CNTNAP5: variants seen among roughly 807,000 people sequenced by gnomAD.
CNTNAP5 encodes the protein contactin-associated protein-like 5.
CNTNAP5 carries 72 observed loss-of-function variants against 150.2 expected under a neutral mutation model. The observed-to-expected ratio is 0.48, with a 90% CI of 0.40 to 0.58. The LOEUF is 0.58. Among genes scored for constraint, CNTNAP5 ranks in the 20% least tolerant of loss-of-function variants. The pLI is 0.00. For missense variants in CNTNAP5, 1,636 were observed against 1,626.2 expected (o/e 1.01, Z -0.10); for synonymous variants, 672 against 619.8 (o/e 1.08, Z -1.25).
chr2:124,904,746 A>T (rs1383569985), intron 22 of CNTNAP5, among the ~76,000 whole-genome samples: 3 of 152,066 alleles, frequency 2.0e-5, no homozygotes, highest in Non-Finnish European at 4.4e-5. Flanking sequence ...TAAAACCTTA[A>T]ATATAAGACC....
intron 3 of CNTNAP5, among the ~76,000 whole-genome samples, chr2:124,393,964 T>C (rs759262937): frequency 6.6e-6 from 1 of 152,222 alleles, no homozygotes; most frequent in Non-Finnish European, 1.5e-5. Flanking sequence ...TATTTTAAAA[T>C]GTTTTGGGTA....
At chr2:124,737,525 G>A (rs753238545) in intron 13 of CNTNAP5, among the ~76,000 whole-genome samples, 9 of 152,144 alleles carry the variant, frequency 5.9e-5, no homozygotes, top group Non-Finnish European at 1.2e-4. Flanking sequence ...TGTGGAATAA[G>A]ACGTAAGGCT....
At chr2:124,379,094 C>G (rs938611211) in intron 3 of CNTNAP5, among the ~76,000 whole-genome samples, 1 of 151,604 alleles carries the variant, frequency 6.6e-6, no homozygotes, top group Non-Finnish European at 1.5e-5. Context: ...GCATAACCTC[C>G]TTTGTTATTC....
At chr2:124,117,378 G>A (rs74824239) in intron 1 of CNTNAP5, among the ~76,000 whole-genome samples, 7,407 of 152,156 alleles carry the variant, frequency 0.049, 254 homozygotes, top group South Asian at 0.15. Context: ...TGGAGGCAGA[G>A]ACTTTATTAT....
intron 11 of CNTNAP5, among the ~76,000 whole-genome samples, chr2:124,591,813 CAAAAT>C (rs908857140): frequency 6.6e-6 from 1 of 152,130 alleles, no homozygotes; most frequent in African/African-American, 2.4e-5. Flanking sequence ...GTAAAACCAA[CAAAAT>C]AAGTCTTCAT....
intron 19 of CNTNAP5, among the ~76,000 whole-genome samples, chr2:124,825,991 G>A (rs1682584680): frequency 6.6e-6 from 1 of 152,076 alleles, no homozygotes; most frequent in African/African-American, 2.4e-5. Context: ...GTAAATTATA[G>A]AGACTGAAAT....
At chr2:124,383,170 C>T (rs935449311) in intron 3 of CNTNAP5, among the ~76,000 whole-genome samples, 7 of 152,088 alleles carry the variant, frequency 4.6e-5, no homozygotes, top group Non-Finnish European at 8.8e-5. Context: ...ACACATTTGG[C>T]GAACATTATT....
At chr2:124,888,019 G>T (rs1308989854) in intron 21 of CNTNAP5, among the ~76,000 whole-genome samples, 1 of 151,922 alleles carries the variant, frequency 6.6e-6, no homozygotes, top group Non-Finnish European at 1.5e-5. Flanking sequence ...TGTCACTTGG[G>T]TATATTGCAT....
chr2:124,188,716 C>CAAAAAAAAAAAAA (rs70996047), intron 1 of CNTNAP5, among the ~76,000 whole-genome samples: 2 of 73,076 alleles, frequency 2.7e-5, no homozygotes, highest in Non-Finnish European at 4.7e-5. Flanking sequence ...GACTCTGTCT[C>CAAAAAAAAAAAAA]AAAAAAAAAA....
intron 3 of CNTNAP5, among the ~76,000 whole-genome samples, chr2:124,284,349 T>C (rs372670336): frequency 2.6e-5 from 4 of 152,302 alleles, no homozygotes; most frequent in African/African-American, 9.6e-5. Flanking sequence ...ACTTTTTAGA[T>C]GCTCAATCAT....
chr2:124,109,437 G>T (rs1388854557), intron 1 of CNTNAP5, among the ~76,000 whole-genome samples: 1 of 152,198 alleles, frequency 6.6e-6, no homozygotes, highest in Non-Finnish European at 1.5e-5. Flanking sequence ...GCTGTCCCTT[G>T]CCAGGCTGGA....
intron 3 of CNTNAP5, among the ~76,000 whole-genome samples, chr2:124,405,200 G>A (rs752300232): frequency 8.5e-5 from 13 of 152,090 alleles, no homozygotes; most frequent in Admixed American, 2.0e-4. Flanking sequence ...ATGAGGCGGC[G>A]AGACTACATT....
chr2:124,869,133 T>C (rs10172182), intron 20 of CNTNAP5, among the ~76,000 whole-genome samples: 1 of 152,092 alleles, frequency 6.6e-6, no homozygotes, highest in Non-Finnish European at 1.5e-5. Context: ...TGCAGCTAAC[T>C]GTTCAGCTGC....
chr2:124,919,067 A>G lies in CNTNAP5; in HGVS notation c.*4779A>G, dbSNP rs72965821. Among the ~76,000 whole-genome samples the G allele has an allele frequency of 6.6e-6, 1 of 151,978 alleles. No homozygotes were observed. The highest frequency in any genetic ancestry group is 6.6e-5 in the Admixed American group (1 of 15,244). The stretch of plus-strand genomic sequence containing the variant: ...CTGCAGATTTTTATTGTCTCTAATT[A>G]TCAGCTCTGCCTTCACAAATTCCAA... On this transcript the variant is annotated 3_prime_UTR_variant, in exon 24 of 24. Transcript: ENST00000682447.
At chr2:124,730,754 T>C (rs1466105253) in intron 13 of CNTNAP5, among the ~76,000 whole-genome samples, 1 of 152,130 alleles carries the variant, frequency 6.6e-6, no homozygotes, top group East Asian at 1.9e-4. Flanking sequence ...AATAATTAAA[T>C]GACCTTTGTG....
chr2:124,570,678 G>T (rs1000672446), intron 11 of CNTNAP5, among the ~76,000 whole-genome samples: 4 of 152,042 alleles, frequency 2.6e-5, no homozygotes, highest in Admixed American at 2.6e-4. Context: ...TGGGTACTAG[G>T]GACAGATACT....
chr2:124,733,669 A>G (rs1680322134), intron 13 of CNTNAP5, among the ~76,000 whole-genome samples: 1 of 152,262 alleles, frequency 6.6e-6, no homozygotes, highest in Non-Finnish European at 1.5e-5. Flanking sequence ...GCAGATTGCT[A>G]GTTTTTTGTT....
Position 124,504,388 on chromosome 2 carries a change from A to G in CNTNAP5, c.1159A>G (p.Ile387Val). The G allele has an allele frequency of 1.9e-6, 3 of 1,613,872 alleles. No individual in the cohort carries two copies. The highest frequency in any genetic ancestry group is 2.5e-6 in the Non-Finnish European group (3 of 1,179,848). ...TTTGCTGCTGCCCGGCACCCCCCAA[A>G]TTGATGGGCTCTCAGTGAGTTTCCA... ...SYLLLPGTPQIDGLSVSFQFR... is the reference protein window; with the variant it reads ...SYLLLPGTPQVDGLSVSFQFR... Residue 387 changes from isoleucine to valine, a missense_variant, in exon 8 of 24, where the codon ATT (isoleucine) becomes GTT (valine). By Grantham distance (29) the Ile-to-Val change is conservative (BLOSUM62 3). Transcript: ENST00000682447.
chr2:124,328,135 C>A (rs1689266061), intron 3 of CNTNAP5, among the ~76,000 whole-genome samples: 1 of 150,880 alleles, frequency 6.6e-6, no homozygotes, highest in African/African-American at 2.4e-5. Context: ...TCAGGTCCTA[C>A]AACACATTTT....
Sources: allele counts gnomAD v4.1 joint callset (sites outside exome capture counted in the v4.1 genomes callset), GRCh38; gene constraint gnomAD v4.1.1; transcripts MANE v1.5; gene names NCBI Gene and HGNC (gene_info 2026-07-23, HGNC 2026-07-21).